GAN: variants seen among roughly 807,000 people sequenced by gnomAD.
GAN encodes epididymis secretory sperm binding protein.
In GAN, 48 loss-of-function variants were observed where a neutral mutation model predicts 71.3. That is an observed-to-expected ratio of 0.67 (90% confidence interval 0.53 to 0.86). The LOEUF is 0.86. GAN is among the 40% of genes least tolerant of loss of function. The pLI, the probability that GAN is intolerant of heterozygous loss-of-function variation, is 0.00. For synonymous variants in GAN, 386 were observed against 276.8 expected (o/e 1.39, Z -3.92); for missense variants, 928 against 770.1 (o/e 1.21, Z -2.43).
intron 1 of GAN, among the ~76,000 whole-genome samples, chr16:81,316,789 G>A (rs970636109): frequency 1.3e-5 from 2 of 152,118 alleles, no homozygotes; most frequent in African/African-American, 4.8e-5. Context: ...CCACTTTGAC[G>A]TACCCCATAT....
chr16:81,333,740 T>C (rs970229010), intron 1 of GAN, among the ~76,000 whole-genome samples: 6 of 152,210 alleles, frequency 3.9e-5, no homozygotes, highest in African/African-American at 1.4e-4. Context: ...GTACCTAATA[T>C]CTCACCTGGT....
intron 1 of GAN, among the ~76,000 whole-genome samples, chr16:81,322,891 A>T (rs1909264758): frequency 6.6e-6 from 1 of 152,226 alleles, no homozygotes; most frequent in Non-Finnish European, 1.5e-5. Context: ...TGTGAGTTTG[A>T]TATGAGTCTT....
At chr16:81,319,755 T>G (rs951647022) in intron 1 of GAN, among the ~76,000 whole-genome samples, 1 of 151,722 alleles carries the variant, frequency 6.6e-6, no homozygotes, top group African/African-American at 2.4e-5. Context: ...GAGGATAGAA[T>G]GAGACATAGG....
At chr16:81,357,545 T>G (rs1910531546) in intron 4 of GAN, among the ~76,000 whole-genome samples, 1 of 152,196 alleles carries the variant, frequency 6.6e-6, no homozygotes, top group Non-Finnish European at 1.5e-5. Context: ...TTTGCTATTG[T>G]GAATAGTGCC....
chr16:81,354,793 TA>T (rs1387274755), intron 3 of GAN, 38 bp downstream of exon 3: 1 of 1,176,530 alleles, frequency 8.5e-7, no homozygotes, highest in Non-Finnish European at 1.3e-6. Context: ...TTTGCCTTTT[TA>T]TTTCTTTTTA....
At chr16:81,368,424 C>T (rs1308803330) in intron 9 of GAN, among the ~76,000 whole-genome samples, 1 of 152,172 alleles carries the variant, frequency 6.6e-6, no homozygotes, top group East Asian at 1.9e-4. Context: ...CATAGTGAGA[C>T]CTTGTCTCTA....
chr16:81,320,169 C>T (rs541819505), intron 1 of GAN, among the ~76,000 whole-genome samples: 24 of 152,316 alleles, frequency 1.6e-4, no homozygotes, highest in Admixed American at 3.9e-4. Flanking sequence ...GTTTGACTCA[C>T]AGATGATACT....
At chr16:81,327,742 A>G (rs1334501776) in intron 1 of GAN, among the ~76,000 whole-genome samples, 1 of 150,038 alleles carries the variant, frequency 6.7e-6, no homozygotes, top group Non-Finnish European at 1.5e-5. Flanking sequence ...GTAGCAAGAA[A>G]GAACCAGATA....
chr16:81,361,158 G>A (rs902351378), intron 5 of GAN, among the ~76,000 whole-genome samples: 1 of 152,182 alleles, frequency 6.6e-6, no homozygotes, highest in African/African-American at 2.4e-5. Flanking sequence ...CCAGGAGGCA[G>A]AAGTTGCAGT....
At chr16:81,377,113 G>A (rs1904284042) in intron 9 of GAN, 106 bp from the exon 10 acceptor site, 1 of 799,810 alleles carries the variant, frequency 1.3e-6, no homozygotes, top group Admixed American at 1.7e-5. Flanking sequence ...GATTGGCACA[G>A]TGCCTGATAC....
intron 1 of GAN, among the ~76,000 whole-genome samples, chr16:81,342,884 G>A (rs897227853): frequency 2.6e-5 from 4 of 152,018 alleles, no homozygotes; most frequent in African/African-American, 9.7e-5. Context: ...CTGCTAGCAA[G>A]ACTAATAAAG....
At chr16:81,362,649 T>A (rs1187750948) in intron 6 of GAN, 38 bp downstream of exon 6, 1 of 1,043,488 alleles carries the variant, frequency 9.6e-7, no homozygotes. Flanking sequence ...GATGTGTTTC[T>A]CTTTCCCCTT....
intron 9 of GAN, among the ~76,000 whole-genome samples, chr16:81,375,299 A>G (rs1217080857): frequency 6.7e-6 from 1 of 149,284 alleles, no homozygotes; most frequent in Admixed American, 6.7e-5. Context: ...AAAAATTTAG[A>G]GACAGTCTTG....
intron 1 of GAN, among the ~76,000 whole-genome samples, chr16:81,344,937 GC>G (rs1393210325): frequency 6.6e-6 from 1 of 152,104 alleles, no homozygotes; most frequent in African/African-American, 2.4e-5. Flanking sequence ...CGAAAAATGG[GC>G]AAAGGATATG....
At chr16:81,320,119 C>T (rs574465696) in intron 1 of GAN, among the ~76,000 whole-genome samples, 1 of 152,206 alleles carries the variant, frequency 6.6e-6, no homozygotes, top group South Asian at 2.1e-4. Context: ...TGTTCCAAGG[C>T]CTAATTATTG....
chr16:81,389,331 T>C lies in GAN; in HGVS notation c.*11735T>C, dbSNP rs1567505161. The C allele has an allele frequency of 6.6e-6, 1 of 152,226 alleles. No homozygotes were observed. Among genetic ancestry groups the C allele is most frequent in the Non-Finnish European group, 1.5e-5 (1 of 68,038 alleles). 9.4% of individuals were successfully genotyped at this position (152,226 alleles called of 1,614,324 possible). ...GCCGGCGACGTAATGGTGATACCCT[T>C]TGTTTTTTGTATCATACCTTTTGTG... is the stretch of plus-strand genomic sequence containing the variant. On this transcript the variant is annotated 3_prime_UTR_variant, in exon 11 of 11. Transcript: ENST00000648994.
intron 1 of GAN, among the ~76,000 whole-genome samples, chr16:81,338,209 T>G (rs1909828870): frequency 1.3e-5 from 2 of 152,352 alleles, no homozygotes; most frequent in Admixed American, 6.5e-5. Flanking sequence ...TAGAGTGTTA[T>G]AAAATTGTCA....
Position 81,377,309 on chromosome 16 carries a change from T to C in GAN, c.1593T>C (p.Val531=). Residue 531 remains valine, a synonymous_variant, in exon 10 of 11, where the codon GTT becomes GTC. Transcript: ENST00000648994. ...TACCTATAGGAGCCAGTATTTATGT[T>C]ATTGGAGATCTTGATACAGGTAAGA... ...GAVPIGASIY[V]IGDLDTGTNY... 6.2e-7 allele frequency: 1 copy of C among 1,600,090 alleles called. No individual in the cohort carries two copies. Among genetic ancestry groups the C allele is most frequent in the Admixed American group, 1.7e-5 (1 of 60,002 alleles).
intron 1 of GAN, among the ~76,000 whole-genome samples, chr16:81,325,057 C>G (rs1909339110): frequency 6.6e-6 from 1 of 152,112 alleles, no homozygotes; most frequent in Non-Finnish European, 1.5e-5. Flanking sequence ...AGGGATGGCT[C>G]CCAGGCACGG....
Sources: gnomAD v4.1 joint callset for allele counts (sites outside exome capture counted in the v4.1 genomes callset) on GRCh38, gnomAD v4.1.1 for gene constraint, MANE v1.5 for transcripts, NCBI Gene and HGNC (gene_info 2026-07-23, HGNC 2026-07-21) for gene names.